CCDC146: variants seen among roughly 807,000 people sequenced by gnomAD.
CCDC146 encodes coiled-coil domain-containing protein 146.
In CCDC146, 92 loss-of-function variants were observed where a neutral mutation model predicts 119.3. The ratio of observed to expected loss-of-function variants is 0.77; its 90% CI spans 0.65 to 0.92. The LOEUF (loss-of-function observed/expected upper bound fraction) is 0.92. Among genes scored for constraint, CCDC146 ranks in the 40% least tolerant of loss-of-function variants. CCDC146 has a pLI of 0.00. For missense variants in CCDC146, 1,000 were observed against 1,103.0 expected (o/e 0.91, Z 1.32); for synonymous variants, 372 against 371.8 (o/e 1.00, Z -0.01).
Position 77,288,557 on chromosome 7 carries a change from A to C in CCDC146, c.2415+980A>C, listed in dbSNP as rs1390399389. Among the ~76,000 whole-genome samples the C allele has an allele frequency of 2.6e-5, 4 of 152,364 alleles. No homozygotes were observed. In the East Asian group the frequency reaches 5.8e-4, roughly 22 times the overall value. Reference sequence around the variant, plus strand: ...ACCATTCATGCGAGGCCTTTCATGCATACCATAGAGCCATCAGAGGACTGG... The same window carrying C: ...ACCATTCATGCGAGGCCTTTCATGCCTACCATAGAGCCATCAGAGGACTGG... On this transcript the variant is annotated intron_variant, in intron 17 of 18. Transcript: ENST00000285871.
chr7:77,273,817 T>C, intron 10 of CCDC146, 28 bp downstream of exon 10: 3 of 1,433,690 alleles, frequency 2.1e-6, no homozygotes, highest in Non-Finnish European at 2.9e-6. Flanking sequence ...TTTAAGCTTC[T>C]ATCTAAGAAG....
At chr7:77,167,496 AAC>A (rs1491038523) in intron 1 of CCDC146, among the ~76,000 whole-genome samples, 160 bp from the exon 2 acceptor site, 3 of 152,114 alleles carry the variant, frequency 2.0e-5, no homozygotes, top group East Asian at 1.9e-4. Flanking sequence ...CTTTGCAAAA[AAC>A]AGTCTTTTAT....
intron 2 of CCDC146, among the ~76,000 whole-genome samples, chr7:77,205,948 A>T (rs1259920101): frequency 1.3e-5 from 2 of 152,244 alleles, no homozygotes; most frequent in African/African-American, 4.8e-5. Context: ...CATGGCACTA[A>T]TTAAATAGAC....
At chr7:77,130,140 A>G (rs1383520893) in intron 1 of CCDC146, among the ~76,000 whole-genome samples, 1 of 152,120 alleles carries the variant, frequency 6.6e-6, no homozygotes, top group Non-Finnish European at 1.5e-5. Flanking sequence ...TGATAAGAAC[A>G]AATCTTCTAT....
At chr7:77,233,904 A>G (rs932747504) in intron 2 of CCDC146, among the ~76,000 whole-genome samples, 3 of 44,212 alleles carry the variant, frequency 6.8e-5, no homozygotes, top group Non-Finnish European at 1.9e-4. Flanking sequence ...TCAGTATTCT[A>G]TCATTTTTTT....
chr7:77,289,497 T>C (rs532691365), intron 17 of CCDC146, among the ~76,000 whole-genome samples: 35 of 152,332 alleles, frequency 2.3e-4, no homozygotes, highest in African/African-American at 7.9e-4. Context: ...TAGAAAGACA[T>C]TCAGATTCCA....
intron 2 of CCDC146, among the ~76,000 whole-genome samples, chr7:77,206,040 G>A (rs1033857369): frequency 1.3e-5 from 2 of 152,146 alleles, no homozygotes; most frequent in African/African-American, 4.8e-5. Context: ...GGGTATATAT[G>A]TATTTGGCAA....
chr7:77,293,060 A>G lies in CCDC146; in HGVS notation c.2524A>G (p.Arg842Gly). Residue 842 changes from arginine (R) to glycine (G), a missense_variant, in exon 18 of 19, where the codon AGG becomes GGG. Coordinates refer to ENST00000285871, the MANE Select transcript of CCDC146 (RefSeq NM_020879.3). ...AACCATTGAACTCCAAAAGGAAGTCAGGGAGAAAGAAGACTTCATCTTCAC... is the reference window on the plus strand; with the variant it reads ...AACCATTGAACTCCAAAAGGAAGTCGGGGAGAAAGAAGACTTCATCTTCAC... ...ALTIELQKEV[R>G]EKEDFIFTCN... The G allele has an allele frequency of 9.3e-6, 15 of 1,614,222 alleles. No individual in the cohort carries two copies. Among genetic ancestry groups the G allele is most frequent in the Non-Finnish European group, 1.2e-5 (14 of 1,180,032 alleles).
At chr7:77,179,552 T>C (rs1791549484) in intron 2 of CCDC146, among the ~76,000 whole-genome samples, 1 of 152,164 alleles carries the variant, frequency 6.6e-6, no homozygotes, top group South Asian at 2.1e-4. Flanking sequence ...TTAAAACTAG[T>C]TCCTTATTAT....
intron 2 of CCDC146, among the ~76,000 whole-genome samples, chr7:77,235,249 A>T (rs903769881): frequency 1.3e-5 from 2 of 152,194 alleles, no homozygotes; most frequent in African/African-American, 4.8e-5. Context: ...TTAATAATGT[A>T]AGTAAATTTA....
chr7:77,136,829 T>C (rs1288764468), intron 1 of CCDC146, among the ~76,000 whole-genome samples: 1 of 152,100 alleles, frequency 6.6e-6, no homozygotes, highest in Non-Finnish European at 1.5e-5. Context: ...TATGGACCAA[T>C]GTCTCCCATA....
intron 2 of CCDC146, among the ~76,000 whole-genome samples, chr7:77,222,539 G>C (rs1792424521): frequency 6.6e-6 from 1 of 152,150 alleles, no homozygotes; most frequent in Non-Finnish European, 1.5e-5. Flanking sequence ...CTGAAAGGTG[G>C]GTGTCCACTA....
chr7:77,160,073 A>G (rs1054126259), intron 1 of CCDC146, among the ~76,000 whole-genome samples: 5 of 152,190 alleles, frequency 3.3e-5, no homozygotes, highest in African/African-American at 9.7e-5. Context: ...AAGATCAGAT[A>G]GTTGTAGATA....
chr7:77,259,886 G>T (rs1793255360), intron 7 of CCDC146, 123 bp from the exon 8 acceptor site: 2 of 674,950 alleles, frequency 3.0e-6, no homozygotes, highest in Middle Eastern at 4.1e-4. Context: ...CTCTTCTGCT[G>T]CATGGTTAGA....
intron 1 of CCDC146, among the ~76,000 whole-genome samples, chr7:77,159,702 T>A (rs1791230304): frequency 1.3e-5 from 2 of 152,212 alleles, no homozygotes; most frequent in African/African-American, 2.4e-5. Flanking sequence ...TTGAGGAAAC[T>A]TCATACTGTT....
chr7:77,291,260 T>C (rs1190192488), intron 17 of CCDC146, among the ~76,000 whole-genome samples: 2 of 152,188 alleles, frequency 1.3e-5, no homozygotes, highest in African/African-American at 4.8e-5. Flanking sequence ...CCACTATGGC[T>C]ATCAGACTAA....
intron 2 of CCDC146, among the ~76,000 whole-genome samples, chr7:77,204,653 T>C (rs1346041044): frequency 6.6e-6 from 1 of 152,220 alleles, no homozygotes; most frequent in Non-Finnish European, 1.5e-5. Context: ...TGAAACTTTA[T>C]GGAACTGGAA....
chr7:77,178,096 A>G (rs1018887069), intron 2 of CCDC146, among the ~76,000 whole-genome samples: 1 of 152,214 alleles, frequency 6.6e-6, no homozygotes, highest in African/African-American at 2.4e-5. Context: ...CCACTTTGCA[A>G]AGTAGATTAA....
In CCDC146 at chr7:77,262,201, A is replaced by G; in HGVS notation, c.1067A>G (p.Glu356Gly). The change falls in exon 9 of 19, where the codon GAG (glutamate) becomes GGG (glycine). Residue 356 changes from glutamate to glycine, a missense_variant. Glu to Gly is a moderately conservative substitution (Grantham distance 98, BLOSUM62 -2). Around this residue, in one of 2 missense-constraint regions of CCDC146, gnomAD observed 985 missense variants for 1,045.3 expected, o/e 0.94. Transcript: ENST00000285871. ...YHDELSRKQR[E>G]KERDFRNLRK... ...GATGAACTTTCTCGTAAGCAAAGAG[A>G]GAAAGAACGAGATTTTCGAAATTTA... is the stretch of plus-strand genomic sequence containing the variant. 6.2e-7 allele frequency: 1 copy of G among 1,614,004 alleles called. No homozygotes were observed. Among genetic ancestry groups the G allele is most frequent in the South Asian group, 1.1e-5 (1 of 91,064 alleles).
Sources: allele counts gnomAD v4.1 joint callset (sites outside exome capture counted in the v4.1 genomes callset), GRCh38; gene constraint gnomAD v4.1.1; regional missense constraint gnomAD v4.1.1; transcripts MANE v1.5; gene names NCBI Gene and HGNC (gene_info 2026-07-23, HGNC 2026-07-21).